Variants in CLIC4 observed in about 807,000 individuals in gnomAD.
The protein encoded by CLIC4 is chloride intracellular channel protein 4.
In CLIC4, 13 loss-of-function variants were observed where a neutral mutation model predicts 24.6. That is an observed-to-expected ratio of 0.53 (90% CI 0.34 to 0.84). CLIC4 has a LOEUF of 0.84. Ranked by LOEUF, CLIC4 falls within the 40% of genes least tolerant of loss-of-function variation. CLIC4 has a pLI of 0.01. For missense variants in CLIC4, 227 were observed against 301.7 expected (o/e 0.75, Z 1.83); for synonymous variants, 104 against 111.3 (o/e 0.93, Z 0.41).
At chr1:24,774,619 C>G (rs1328438136) in intron 1 of CLIC4, among the ~76,000 whole-genome samples, 2 of 151,638 alleles carry the variant, frequency 1.3e-5, no homozygotes, top group Admixed American at 1.3e-4. Flanking sequence ...CTAGTGAGAC[C>G]CTGTCTCTAC....
intron 1 of CLIC4, among the ~76,000 whole-genome samples, chr1:24,786,897 T>C (rs955348153): frequency 4.6e-5 from 7 of 151,758 alleles, no homozygotes; most frequent in Admixed American, 6.6e-5. Flanking sequence ...GGATTACAGG[T>C]GTGAGCCACC....
rs376643814 is a variant in CLIC4, at chr1:24,760,359, C to CA, written c.72+14743dup. 4.7e-4 allele frequency among the ~76,000 whole-genome samples: 70 copies of CA among 148,386 alleles called. No individual in the cohort carries two copies. The Middle Eastern group carries it at 0.01, about 22-fold the overall frequency. Reference sequence around the variant, plus strand: ...CCAGTGACAGAGGGGGACTCCATCTCAAAAAAAAAGAAAAAAGAAAAAGAA... The same window carrying CA: ...CCAGTGACAGAGGGGGACTCCATCTCAAAAAAAAAAGAAAAAAGAAAAAGAA... On this transcript the variant is annotated intron_variant, in intron 1 of 5. Coordinates refer to ENST00000374379, the MANE Select transcript of CLIC4 (RefSeq NM_013943.3).
Position 24,843,309 on chromosome 1 carries a change from G to A in CLIC4, c.*2372G>A, listed in dbSNP as rs187649689. ...TAACCCCATTGTATGTTTGTGGAAAGAGCATAGTTTAACATCTTGAGAAAT... is the reference window on the plus strand; with the variant it reads ...TAACCCCATTGTATGTTTGTGGAAAAAGCATAGTTTAACATCTTGAGAAAT... On this transcript the variant is annotated 3_prime_UTR_variant, in exon 6 of 6. Coordinates refer to ENST00000374379, the MANE Select transcript of CLIC4 (RefSeq NM_013943.3). The A allele has an allele frequency of 6.6e-6, 1 of 152,336 alleles. No individual in the cohort carries two copies. The highest frequency in any genetic ancestry group is 1.9e-4 in the East Asian group (1 of 5,184). The allele number at this position is 152,336 out of a possible 1,614,324, so 9.4% of individuals were successfully genotyped here. A position where few individuals can be genotyped will look rare whatever the true frequency, so the allele number is the denominator to read the frequency against.
chr1:24,763,839 C>T lies in CLIC4; in HGVS notation c.72+18214C>T, dbSNP rs576622778. Among the ~76,000 whole-genome samples, 6 of 152,208 alleles carry T rather than the reference C, an allele frequency of 3.9e-5. No homozygotes were observed. In the East Asian group the frequency reaches 9.7e-4, roughly 25 times the overall value. On this transcript the variant is annotated intron_variant, in intron 1 of 5. Transcript: ENST00000374379. ...ATTTCATGCCTCTTATATGACTCTT[C>T]GGTTATCTATTTTGTTGATAGTTTT... is the stretch of plus-strand genomic sequence containing the variant.
At chr1:24,779,177 T>G (rs1176751260) in intron 1 of CLIC4, among the ~76,000 whole-genome samples, 1 of 152,110 alleles carries the variant, frequency 6.6e-6, no homozygotes, top group African/African-American at 2.4e-5. Context: ...GTATATAAAA[T>G]TAATACCCCA....
rs1335708000 is a variant in CLIC4, at chr1:24,769,118, G to A, written c.72+23493G>A. On this transcript the variant is annotated intron_variant, in intron 1 of 5. Coordinates refer to ENST00000374379, the MANE Select transcript of CLIC4 (RefSeq NM_013943.3). ...CACTCCAGCCTGGGTGGCAGAGTGA[G>A]ACTCTGTCTCAAAACAAAAGAAAAC... Among the ~76,000 whole-genome samples, 5 of 152,164 alleles carry A rather than the reference G, an allele frequency of 3.3e-5. No individual in the cohort carries two copies. The East Asian group carries it at 9.6e-4, about 29-fold the overall frequency.
intron 1 of CLIC4, 109 bp downstream of exon 1, chr1:24,745,734 C>A: frequency 1.2e-6 from 1 of 843,984 alleles, no homozygotes; most frequent in Non-Finnish European, 1.7e-6. Flanking sequence ...GCGCCAGCAC[C>A]CGTCCCGCTG....
Position 24,840,766 on chromosome 1 carries a change from A to G in CLIC4, c.598-7A>G, listed in dbSNP as rs761596905. ...GTCTGTTAACTTTTGATCTCTTTGT[A>G]TTTCAGGTGGTGGCCAAAAAATATC... On this transcript the variant is annotated splice_polypyrimidine_tract_variant and splice_region_variant and intron_variant, in intron 5 of 5. Transcript: ENST00000374379. The G allele has an allele frequency of 6.9e-5, 111 of 1,601,112 alleles. No homozygotes were observed. Among genetic ancestry groups the G allele is most frequent in the Non-Finnish European group, 8.8e-5 (103 of 1,174,374 alleles).
chr1:24,795,219 C>G (rs1329078455), intron 1 of CLIC4, among the ~76,000 whole-genome samples: 4 of 152,136 alleles, frequency 2.6e-5, no homozygotes, highest in Non-Finnish European at 5.9e-5. Flanking sequence ...CACCTTGGGG[C>G]ATACATGATG....
At chr1:24,817,415 G>A (rs9659486) in intron 3 of CLIC4, among the ~76,000 whole-genome samples, 7,379 of 152,198 alleles carry the variant, frequency 0.048, 331 homozygotes, top group Admixed American at 0.14. Flanking sequence ...TAAACCTCAC[G>A]AACCAACCTC....
intron 4 of CLIC4, among the ~76,000 whole-genome samples, chr1:24,837,019 T>C (rs1362762470): frequency 6.6e-6 from 1 of 152,188 alleles, no homozygotes; most frequent in Non-Finnish European, 1.5e-5. Flanking sequence ...CAAAAGCCTA[T>C]ATTAGAAAAG....
At chr1:24,776,037 A>G (rs1327530070) in intron 1 of CLIC4, among the ~76,000 whole-genome samples, 1 of 152,174 alleles carries the variant, frequency 6.6e-6, no homozygotes, top group African/African-American at 2.4e-5. Context: ...GTCCCCCCAT[A>G]GTAGGTGGCA....
At chr1:24,796,298 C>T (rs1344721355) in intron 1 of CLIC4, among the ~76,000 whole-genome samples, 2 of 152,158 alleles carry the variant, frequency 1.3e-5, no homozygotes, top group Admixed American at 6.5e-5. Flanking sequence ...AAGCGATTCT[C>T]CTGCCTCAGC....
At chr1:24,752,278 G>A (rs181987044) in intron 1 of CLIC4, among the ~76,000 whole-genome samples, 102 of 152,276 alleles carry the variant, frequency 6.7e-4, no homozygotes, top group Admixed American at 1.1e-3. Flanking sequence ...GGTAGTTTAA[G>A]TTGCTGTAAT....
At chr1:24,746,270 G>C (rs1306525081) in intron 1 of CLIC4, among the ~76,000 whole-genome samples, 4 of 152,178 alleles carry the variant, frequency 2.6e-5, no homozygotes, top group Admixed American at 2.0e-4. Flanking sequence ...TCTCAAGCGC[G>C]GAGTGTTCTG....
intron 1 of CLIC4, among the ~76,000 whole-genome samples, chr1:24,758,192 T>C (rs887349141): frequency 6.6e-6 from 1 of 152,094 alleles, no homozygotes; most frequent in African/African-American, 2.4e-5. Context: ...TTTCCAGTTA[T>C]AAAAGCTATA....
chr1:24,814,404 A>G (rs1400694056), intron 3 of CLIC4, among the ~76,000 whole-genome samples, 185 bp downstream of exon 3: 1 of 152,194 alleles, frequency 6.6e-6, no homozygotes, highest in African/African-American at 2.4e-5. Flanking sequence ...CCATACTAAG[A>G]AAGGTGGGGA....
At chr1:24,839,586 A>G (rs1007928034) in intron 4 of CLIC4, among the ~76,000 whole-genome samples, 3 of 152,178 alleles carry the variant, frequency 2.0e-5, no homozygotes, top group African/African-American at 7.2e-5. Flanking sequence ...GGCGTGAGCC[A>G]CCGCGCCCGG....
chr1:24,804,358 G>T (rs944417378), intron 2 of CLIC4, among the ~76,000 whole-genome samples: 26 of 148,660 alleles, frequency 1.7e-4, no homozygotes, highest in Middle Eastern at 3.4e-3. Context: ...TGTGTGTGTG[G>T]GGGGTGTGTG....
Sources: allele counts gnomAD v4.1 joint callset (sites outside exome capture counted in the v4.1 genomes callset), GRCh38; gene constraint gnomAD v4.1.1; transcripts MANE v1.5; gene names NCBI Gene and HGNC (gene_info 2026-07-23, HGNC 2026-07-21).